KANSL1L: variants seen among roughly 807,000 people sequenced by gnomAD.
The protein encoded by KANSL1L is KAT8 regulatory NSL complex subunit 1 like.
A neutral mutation model predicts 108.6 loss-of-function variants in KANSL1L; 25 were observed. The observed-to-expected ratio is 0.23, with a 90% CI of 0.17 to 0.32. The LOEUF (loss-of-function observed/expected upper bound fraction) is 0.32. Ranked by LOEUF, KANSL1L falls within the 10% of genes least tolerant of loss-of-function variation. The pLI is 1.00. For missense variants in KANSL1L, 1,137 were observed against 1,125.7 expected, an observed-to-expected ratio of 1.01 and a Z score of -0.14; for synonymous variants, 405 against 395.1, an observed-to-expected ratio of 1.03 and a Z score of -0.30.
intron 12 of KANSL1L, 108 bp downstream of exon 12, chr2:210,027,188 A>G (rs1310955338): frequency 3.0e-6 from 2 of 656,264 alleles, no homozygotes; most frequent in Admixed American, 5.4e-5. Flanking sequence ...GAAAAAAATC[A>G]GTGTAAGTTA....
chr2:210,037,740 T>C (rs1287630279), intron 8 of KANSL1L, among the ~76,000 whole-genome samples: 1 of 152,212 alleles, frequency 6.6e-6, no homozygotes, highest in Non-Finnish European at 1.5e-5. Context: ...CATCTACATA[T>C]ATGTTAGTGT....
intron 2 of KANSL1L, among the ~76,000 whole-genome samples, chr2:210,150,552 G>A (rs1475626955): frequency 6.6e-6 from 1 of 152,088 alleles, no homozygotes; most frequent in Non-Finnish European, 1.5e-5. Flanking sequence ...GGAGGCCAAG[G>A]TCAGCAGATT....
chr2:210,030,531 GTTAC>G (rs1053462541), intron 9 of KANSL1L, among the ~76,000 whole-genome samples: 1 of 117,840 alleles, frequency 8.5e-6, no homozygotes, highest in Non-Finnish European at 1.9e-5. Flanking sequence ...TTGGTTCCCA[GTTAC>G]TGTGTGTGTG....
intron 1 of KANSL1L, among the ~76,000 whole-genome samples, chr2:210,157,896 C>A (rs1343725836): frequency 2.7e-5 from 3 of 112,008 alleles, no homozygotes; most frequent in Admixed American, 1.0e-4. Context: ...CAGAGCAAGA[C>A]CCTGTCAAAA....
chr2:210,060,094 A>AT (rs2094403450), intron 6 of KANSL1L, among the ~76,000 whole-genome samples: 1 of 152,160 alleles, frequency 6.6e-6, no homozygotes, highest in South Asian at 2.1e-4. Context: ...TTTCTTTAAA[A>AT]TCTTCTATTA....
rs1168683041 is a variant in KANSL1L, at chr2:210,154,296, T to C, written c.287A>G (p.Tyr96Cys). The C allele has an allele frequency of 1.9e-6, 3 of 1,613,198 alleles. No individual in the cohort carries two copies. The highest frequency in any genetic ancestry group is 2.5e-6 in the Non-Finnish European group (3 of 1,179,456). Residue 96 changes from tyrosine to cysteine, a missense_variant, in exon 2 of 15, where the codon TAT becomes TGT. Tyr to Cys is a radical substitution (Grantham distance 194). Coordinates refer to ENST00000281772, the MANE Select transcript of KANSL1L (RefSeq NM_152519.4). The stretch of plus-strand genomic sequence containing the variant: ...GGGCTCCCCTAATTTCTTTTGTTTA[T>C]AATTCTCATTGTGTTTATTTAATGT... The part of the protein sequence containing the change: ...NSTLNKHNEN[Y>C]KQKKLGEPSC...
At chr2:210,157,538 A>G (rs2095340281) in intron 1 of KANSL1L, among the ~76,000 whole-genome samples, 1 of 151,644 alleles carries the variant, frequency 6.6e-6, no homozygotes, top group South Asian at 2.1e-4. Context: ...CAAATACTAA[A>G]AAATGTCCTA....
At chr2:210,168,644 A>G (rs1688134710) in intron 1 of KANSL1L, among the ~76,000 whole-genome samples, 2 of 152,116 alleles carry the variant, frequency 1.3e-5, no homozygotes, top group Admixed American at 1.3e-4. Context: ...TCAAAATTGG[A>G]TGAAGTTCTT....
chr2:210,086,976 T>G (rs981364938), intron 5 of KANSL1L, among the ~76,000 whole-genome samples: 1 of 151,830 alleles, frequency 6.6e-6, no homozygotes, highest in Non-Finnish European at 1.5e-5. Context: ...CAAAAAGAGA[T>G]CTCAGTAAGT....
Position 210,154,327 on chromosome 2 carries a change from T to A in KANSL1L, c.256A>T (p.Asn86Tyr). ...HYQTVFLMRSNSTLNKHNENY... is the reference protein window; with the variant it reads ...HYQTVFLMRSYSTLNKHNENY... ...TCATTGTGTTTATTTAATGTAGAATTAGATCTCATTAAAAAAACAGTCTGG... is the reference window on the plus strand; with the variant it reads ...TCATTGTGTTTATTTAATGTAGAATAAGATCTCATTAAAAAAACAGTCTGG... The change falls in exon 2 of 15, where the codon AAT becomes TAT. Residue 86 changes from asparagine (N) to tyrosine (Y), a missense_variant. By Grantham distance (143) the Asn-to-Tyr change is moderately radical (BLOSUM62 -2). Transcript: ENST00000281772. 1 of 1,611,512 alleles carries A rather than the reference T, an allele frequency of 6.2e-7. No homozygotes were observed. Among genetic ancestry groups the A allele is most frequent in the Non-Finnish European group, 8.5e-7 (1 of 1,179,004 alleles).
intron 6 of KANSL1L, among the ~76,000 whole-genome samples, chr2:210,050,618 G>T (rs1298118579): frequency 6.6e-6 from 1 of 150,840 alleles, no homozygotes; most frequent in African/African-American, 2.4e-5. Flanking sequence ...ATTTTGAGAG[G>T]CCATGGCAGG....
At position 210,150,625 on chromosome 2, in the gene KANSL1L, A is replaced by G. The variant is rs1383459163; in HGVS notation, c.1088+2870T>C. Among the ~76,000 whole-genome samples the G allele has an allele frequency of 6.6e-5, 10 of 152,028 alleles. No homozygotes were observed. In the South Asian group the frequency reaches 1.9e-3, roughly 28 times the overall value. ...TGGAGAAACCCTATCTCTACTAAAA[A>G]TACAAAATTAGCTGGGCGTGGTGGT... On this transcript the variant is annotated intron_variant, in intron 2 of 14. Transcript: ENST00000281772.
intron 1 of KANSL1L, among the ~76,000 whole-genome samples, chr2:210,160,509 TTATA>T (rs1234686594): frequency 2.0e-5 from 3 of 152,218 alleles, no homozygotes; most frequent in Admixed American, 6.5e-5. Flanking sequence ...CAAAACTCAT[TTATA>T]TTTCTATATG....
intron 7 of KANSL1L, among the ~76,000 whole-genome samples, chr2:210,042,737 A>G (rs958375355): frequency 6.6e-6 from 1 of 152,180 alleles, no homozygotes; most frequent in African/African-American, 2.4e-5. Flanking sequence ...TGTTATATGG[A>G]TTATTATTTT....
At chr2:210,045,445 A>ATTGT (rs1321223038) in intron 6 of KANSL1L, among the ~76,000 whole-genome samples, 2 of 152,102 alleles carry the variant, frequency 1.3e-5, no homozygotes, top group Non-Finnish European at 2.9e-5. Context: ...TTGCATTACC[A>ATTGT]TTGTTAGGCA....
chr2:210,079,648 A>ATATATATATG (rs1553653242), intron 5 of KANSL1L, among the ~76,000 whole-genome samples: 1 of 15,200 alleles, frequency 6.6e-5, no homozygotes, highest in Admixed American at 1.3e-3. Context: ...ATATATATAT[A>ATATATATATG]TATATATATA....
intron 3 of KANSL1L, among the ~76,000 whole-genome samples, chr2:210,126,264 G>T (rs1252186617): frequency 6.6e-6 from 1 of 152,008 alleles, no homozygotes; most frequent in Non-Finnish European, 1.5e-5. Context: ...GATAACCAAG[G>T]AGTTGATAGA....
intron 6 of KANSL1L, among the ~76,000 whole-genome samples, chr2:210,061,661 A>C (rs1384280605): frequency 6.6e-6 from 1 of 152,226 alleles, no homozygotes; most frequent in Non-Finnish European, 1.5e-5. Context: ...TCAAGCACAA[A>C]GAAGCATAGA....
intron 6 of KANSL1L, among the ~76,000 whole-genome samples, chr2:210,047,471 A>T (rs2094237454): frequency 6.6e-6 from 1 of 152,196 alleles, no homozygotes; most frequent in Admixed American, 6.5e-5. Flanking sequence ...GCTCTTTGCC[A>T]CTTTATAACA....
Sources: allele counts gnomAD v4.1 joint callset (sites outside exome capture counted in the v4.1 genomes callset), GRCh38; gene constraint gnomAD v4.1.1; transcripts MANE v1.5; gene names NCBI Gene and HGNC (gene_info 2026-07-23, HGNC 2026-07-21).